ZNF131: variants seen among roughly 807,000 people sequenced by gnomAD.
ZNF131 encodes the protein zinc finger and BTB domain containing 35.
ZNF131 carries 7 observed loss-of-function variants against 60.0 expected under a neutral mutation model. The observed-to-expected ratio is 0.12, with a 90% confidence interval of 0.07 to 0.22. The LOEUF (loss-of-function observed/expected upper bound fraction) is 0.22. Among genes scored for constraint, ZNF131 ranks in the 10% least tolerant of loss-of-function variants. ZNF131 has a pLI of 1.00. For missense variants in ZNF131, 493 were observed against 740.9 expected (o/e 0.67, Z 3.88); for synonymous variants, 257 against 253.2 (o/e 1.01, Z -0.14).
chr5:43,161,177 T>C (rs1009811511), intron 4 of ZNF131, 72 bp from the exon 5 acceptor site: 6 of 1,339,990 alleles, frequency 4.5e-6, no homozygotes, highest in East Asian at 2.3e-5. Context: ...ATTGCCACTT[T>C]ATCAGTTTCT....
intron 4 of ZNF131, among the ~76,000 whole-genome samples, chr5:43,139,888 A>G (rs1746583329): frequency 6.6e-6 from 1 of 152,156 alleles, no homozygotes; most frequent in Non-Finnish European, 1.5e-5. Context: ...AGCCATTCCT[A>G]TTCCTAGTAT....
At chr5:43,128,201 C>G (rs1283883310) in intron 3 of ZNF131, among the ~76,000 whole-genome samples, 2 of 152,160 alleles carry the variant, frequency 1.3e-5, no homozygotes, top group African/African-American at 4.8e-5. Context: ...TAAGGGATTG[C>G]TGAGATTTGT....
Position 43,122,173 on chromosome 5 carries a change from C to T in ZNF131, c.120C>T (p.Val40=). 6.2e-7 allele frequency: 1 copy of T among 1,609,936 alleles called. No individual in the cohort carries two copies. Among genetic ancestry groups the T allele is most frequent in the Non-Finnish European group, 8.5e-7 (1 of 1,177,930 alleles). ...GGTTTACTGACATCACCCTAATTGTCGACGGTGGGTAGGGCAGTGGGCAGA... is the reference window on the plus strand; with the variant it reads ...GGTTTACTGACATCACCCTAATTGTTGACGGTGGGTAGGGCAGTGGGCAGA... The part of the protein sequence containing the change: ...QDRFTDITLI[V]DGHHFKAHKA... Residue 40 remains valine (V), a synonymous_variant, in exon 2 of 7, where the codon GTC becomes GTT. Transcript: ENST00000682664.
intron 3 of ZNF131, among the ~76,000 whole-genome samples, chr5:43,127,253 G>A (rs1457887748): frequency 6.6e-6 from 1 of 152,044 alleles, no homozygotes; most frequent in African/African-American, 2.4e-5. Context: ...GAGACACCAG[G>A]GAAGCGATTA....
At chr5:43,173,084 AATTATATTT>A in intron 5 of ZNF131, 6 of 317,356 alleles carry the variant, frequency 1.9e-5, no homozygotes, top group Non-Finnish European at 3.4e-5. Flanking sequence ...TTTAGATGCA[AATTATATTT>A]ATCTTTGTCA....
intron 2 of ZNF131, 28 bp from the exon 3 acceptor site, chr5:43,123,181 T>C (rs1406301083): frequency 6.4e-7 from 1 of 1,550,678 alleles, no homozygotes; most frequent in African/African-American, 1.4e-5. Flanking sequence ...TTGTGTATGA[T>C]TTTCTTTTTT....
intron 4 of ZNF131, among the ~76,000 whole-genome samples, chr5:43,156,153 A>G (rs1190991008): frequency 2.0e-5 from 3 of 152,334 alleles, no homozygotes; most frequent in African/African-American, 7.2e-5. Context: ...CAACAACAGT[A>G]TACATAGAAT....
At chr5:43,132,505 C>CT (rs4050538) in intron 3 of ZNF131, among the ~76,000 whole-genome samples, 3,117 of 93,434 alleles carry the variant, frequency 0.033, 233 homozygotes, top group East Asian at 0.23. Flanking sequence ...GAATGGTATT[C>CT]TTTTTTTTTT....
At chr5:43,171,909 C>T (rs763111532) in intron 5 of ZNF131, among the ~76,000 whole-genome samples, 4 of 152,174 alleles carry the variant, frequency 2.6e-5, no homozygotes, top group African/African-American at 7.2e-5. Context: ...TGTGAGCCAC[C>T]GCCCCGGGCC....
At position 43,175,512 on chromosome 5, in the gene ZNF131, A is replaced by G. The variant is rs1052941253; in HGVS notation, c.*379A>G. 6.2e-5 allele frequency: 43 copies of G among 696,700 alleles called. No homozygotes were observed. Among genetic ancestry groups the G allele is most frequent in the Non-Finnish European group, 1.0e-4 (40 of 383,382 alleles). The allele number at this position is 696,700 out of a possible 1,614,324, so 43.2% of individuals were successfully genotyped here. On this transcript the variant is annotated 3_prime_UTR_variant, in exon 7 of 7. Transcript: ENST00000682664. ...GTAAAATCAAACTTAAATCATTAGAATACAAGTTTATGTATTCTAATGCAT... is the reference window on the plus strand; with the variant it reads ...GTAAAATCAAACTTAAATCATTAGAGTACAAGTTTATGTATTCTAATGCAT...
rs79246574 is a variant in ZNF131 at position 43,143,898 on chromosome 5, C to CTTTTTTTTT, written c.371+4619_371+4627dup. Among the ~76,000 whole-genome samples, 22 of 34,992 alleles carry CTTTTTTTTT rather than the reference C, an allele frequency of 6.3e-4. 7 individuals are homozygous for CTTTTTTTTT. Among genetic ancestry groups the CTTTTTTTTT allele is most frequent in the Admixed American group, 1.4e-3 (3 of 2,138 alleles). The allele number at this position is 34,992 out of a possible 152,430, so 23.0% of individuals were successfully genotyped here. The stretch of plus-strand genomic sequence containing the variant: ...TAGGTTCTCTGGAATATTGTCAGAG[C>CTTTTTTTTT]TTTTTTTTTTTTTTTTTTTTTTTTT... On this transcript the variant is annotated intron_variant, in intron 4 of 6. Transcript: ENST00000682664.
intron 5 of ZNF131, among the ~76,000 whole-genome samples, chr5:43,171,836 T>TCTTGAA (rs1751030052): frequency 6.6e-6 from 1 of 152,116 alleles, no homozygotes; most frequent in African/African-American, 2.4e-5. Context: ...GCCAGGCTGG[T>TCTTGAA]CTTGAACTCC....
intron 5 of ZNF131, among the ~76,000 whole-genome samples, chr5:43,170,901 C>G (rs1220665436): frequency 6.6e-6 from 1 of 151,118 alleles, no homozygotes; most frequent in Non-Finnish European, 1.5e-5. Flanking sequence ...TCCCAAAGTG[C>G]TGGGATTACA....
chr5:43,172,707 C>T (rs1751153617), intron 5 of ZNF131, among the ~76,000 whole-genome samples: 2 of 152,024 alleles, frequency 1.3e-5, no homozygotes, highest in Admixed American at 1.3e-4. Flanking sequence ...ACATCTCCAC[C>T]TGTTTTATAC....
At chr5:43,162,613 A>G (rs1189453035) in intron 5 of ZNF131, among the ~76,000 whole-genome samples, 3 of 148,090 alleles carry the variant, frequency 2.0e-5, no homozygotes, top group African/African-American at 7.5e-5. Flanking sequence ...AAAGAAAAGA[A>G]AAAAAAGCGG....
chr5:43,128,254 A>G (rs972969199), intron 3 of ZNF131, among the ~76,000 whole-genome samples: 1 of 152,224 alleles, frequency 6.6e-6, no homozygotes, highest in African/African-American at 2.4e-5. Context: ...ATTATTACAT[A>G]TCCACCATCA....
Position 43,161,936 on chromosome 5 carries a change from T to TTAC in ZNF131, c.1054+5_1054+6insTAC. 1 of 1,565,688 alleles carries TTAC rather than the reference T, an allele frequency of 6.4e-7. No individual in the cohort carries two copies. The highest frequency in any genetic ancestry group is 8.6e-7 in the Non-Finnish European group (1 of 1,158,682). On this transcript the variant is annotated splice_donor_region_variant and intron_variant, in intron 5 of 6. Transcript: ENST00000682664. Reference sequence around the variant, plus strand: ...AACATCTTCGAAAACATACAGGTAATGAGCAAATACTTTGTTAAAATTTTT... The same window carrying TTAC: ...AACATCTTCGAAAACATACAGGTAATTACGAGCAAATACTTTGTTAAAATTTTT...
Position 43,174,947 on chromosome 5 carries a change from A to G in ZNF131, c.1686A>G (p.Ala562=). The G allele has an allele frequency of 6.2e-7, 1 of 1,614,186 alleles. No homozygotes were observed. Among genetic ancestry groups the G allele is most frequent in the Non-Finnish European group, 8.5e-7 (1 of 1,180,046 alleles). ...PVEVQTELLE[A]DLDHVTPEIM... is the part of the protein sequence containing the mutation. ...AAGTACAAACTGAACTTCTAGAAGC[A>G]GATTTGGACCACGTGACCCCAGAAA... Residue 562 remains alanine, a synonymous_variant, in exon 7 of 7, where the codon GCA becomes GCG. Coordinates refer to ENST00000682664, the MANE Select transcript of ZNF131 (RefSeq NM_001330707.2).
At chr5:43,147,670 C>G (rs1430920854) in intron 4 of ZNF131, among the ~76,000 whole-genome samples, 2 of 151,148 alleles carry the variant, frequency 1.3e-5, no homozygotes, top group Non-Finnish European at 3.0e-5. Flanking sequence ...ATCCACCTGC[C>G]TCGGCCTCCC....
Sources: allele counts gnomAD v4.1 joint callset (sites outside exome capture counted in the v4.1 genomes callset), GRCh38; gene constraint gnomAD v4.1.1; transcripts MANE v1.5; gene names NCBI Gene and HGNC (gene_info 2026-07-23, HGNC 2026-07-21).